NOC3L: variants seen among roughly 807,000 people sequenced by gnomAD.
NOC3L encodes nucleolar complex protein 3 homolog.
A neutral mutation model predicts 102.5 loss-of-function variants in NOC3L; 85 were observed. That is an observed-to-expected ratio of 0.83 (90% CI 0.70 to 0.99). The LOEUF (loss-of-function observed/expected upper bound fraction) is 0.99, where lower values mean the gene tolerates loss of function less well. NOC3L is among the 50% of genes least tolerant of loss of function. NOC3L has a pLI of 0.00. For synonymous variants in NOC3L, 303 were observed against 309.4 expected, an observed-to-expected ratio of 0.98 and a Z score of 0.22; for missense variants, 878 against 914.9, an observed-to-expected ratio of 0.96 and a Z score of 0.52.
At chr10:94,327,978 T>C in the NOC3L span, 1 of 532,670 alleles carries the variant, frequency 1.9e-6, no homozygotes, top group South Asian at 1.4e-5. Context: ...GTGAAGATCT[T>C]TAAGCAAGAA....
intron 8 of NOC3L, among the ~76,000 whole-genome samples, chr10:94,350,716 C>CA (rs201167962): frequency 0.062 from 3,881 of 62,098 alleles, 225 homozygotes; most frequent in African/African-American, 0.17. Flanking sequence ...GACATCGTCT[C>CA]AAAAAAAAAA....
intron 19 of NOC3L, among the ~76,000 whole-genome samples, chr10:94,337,025 C>T (rs1038376857): frequency 4.7e-5 from 7 of 149,584 alleles, no homozygotes; most frequent in South Asian, 2.1e-4. Flanking sequence ...GCCGAAATTG[C>T]GCCATTGCAC....
chr10:94,346,804 T>C (rs568222272), intron 10 of NOC3L, among the ~76,000 whole-genome samples: 10 of 152,248 alleles, frequency 6.6e-5, no homozygotes, highest in African/African-American at 2.4e-4. Context: ...AAAACTTTCT[T>C]TGCAGTTTAA....
At chr10:94,357,121 A>T in intron 4 of NOC3L, 53 bp downstream of exon 4, 1 of 1,283,692 alleles carries the variant, frequency 7.8e-7, no homozygotes, top group South Asian at 2.1e-5. Context: ...AAAAAACATG[A>T]TATCAGTAAG....
Position 94,346,466 on chromosome 10 carries a change from A to G in NOC3L, c.1348T>C (p.Phe450Leu). 2.0e-6 allele frequency: 3 copies of G among 1,516,890 alleles called. No individual in the cohort carries two copies. The highest frequency in any genetic ancestry group is 2.7e-6 in the Non-Finnish European group (3 of 1,129,532). 94.0% of individuals were successfully genotyped at this position (1,516,890 alleles called of 1,614,324 possible). A position where few individuals can be genotyped will look rare whatever the true frequency, so the allele number is the denominator to read the frequency against. Reference sequence around the variant, plus strand: ...GATAGAGATTTTCTCTTTTCTTTGAAAGTCATAAATTTTTTTGGTTTATTA... The same window carrying G: ...GATAGAGATTTTCTCTTTTCTTTGAGAGTCATAAATTTTTTTGGTTTATTA... Reference protein sequence around the residue: ...DINKPKKFMTFKEKRKSLSRM... With the variant: ...DINKPKKFMTLKEKRKSLSRM... Residue 450 changes from phenylalanine to leucine, a missense_variant, in exon 11 of 21, where the codon TTC (phenylalanine) becomes CTC (leucine). By Grantham distance (22) the Phe-to-Leu change is conservative. Coordinates refer to ENST00000371361, the MANE Select transcript of NOC3L (RefSeq NM_022451.11).
intron 6 of NOC3L, among the ~76,000 whole-genome samples, chr10:94,353,822 T>C (rs969300703): frequency 6.6e-6 from 1 of 152,214 alleles, no homozygotes; most frequent in Non-Finnish European, 1.5e-5. Context: ...ATTAACCAAA[T>C]ATATCAGTCA....
chr10:94,346,415 T>C lies in NOC3L; in HGVS notation c.1389+10A>G. 6.8e-7 allele frequency: 1 copy of C among 1,472,004 alleles called. No individual in the cohort carries two copies. Among genetic ancestry groups the C allele is most frequent in the Non-Finnish European group, 9.0e-7 (1 of 1,106,506 alleles). 91.2% of individuals were successfully genotyped at this position (1,472,004 alleles called of 1,614,324 possible). A position where few individuals can be genotyped will look rare whatever the true frequency, so the allele number is the denominator to read the frequency against. On this transcript the variant is annotated intron_variant, in intron 11 of 20. Transcript: ENST00000371361. ...AATTTAAATGAAACAAAAGGGGAAATAAGTCAAACCTTTCTCTGCATTCTT... is the reference window on the plus strand; with the variant it reads ...AATTTAAATGAAACAAAAGGGGAAACAAGTCAAACCTTTCTCTGCATTCTT...
At chr10:94,359,490 T>C (rs772032588) in intron 2 of NOC3L, among the ~76,000 whole-genome samples, 6 of 151,882 alleles carry the variant, frequency 4.0e-5, no homozygotes, top group African/African-American at 7.3e-5. Flanking sequence ...AATCTTGCTA[T>C]ATAAATGTAC....
At chr10:94,354,720 A>G (rs946016181) in intron 6 of NOC3L, among the ~76,000 whole-genome samples, 7 of 152,210 alleles carry the variant, frequency 4.6e-5, no homozygotes, top group Admixed American at 2.6e-4. Flanking sequence ...GTATTTTCAT[A>G]TATGAAGATG....
intron 16 of NOC3L, 66 bp downstream of exon 16, chr10:94,340,210 G>T: frequency 1.5e-6 from 2 of 1,316,200 alleles, no homozygotes; most frequent in Non-Finnish European, 2.1e-6. Context: ...TGTCTACAAT[G>T]ATGGGTCATA....
intron 19 of NOC3L, among the ~76,000 whole-genome samples, chr10:94,335,460 T>TGG (rs1399633205): frequency 6.6e-6 from 1 of 151,442 alleles, no homozygotes; most frequent in Non-Finnish European, 1.5e-5. Context: ...AAAAGGCTGG[T>TGG]GGGGTGAAGA....
chr10:94,341,421 T>C (rs1281124041), intron 14 of NOC3L, among the ~76,000 whole-genome samples: 9 of 150,600 alleles, frequency 6.0e-5, no homozygotes, highest in Middle Eastern at 3.4e-3. Context: ...ACATCTATTA[T>C]GCATCAATTT....
intron 20 of NOC3L, 61 bp downstream of exon 20, chr10:94,334,571 TAG>T: frequency 1.7e-6 from 2 of 1,186,960 alleles, no homozygotes; most frequent in African/African-American, 1.5e-5. Context: ...AAACTGGAGT[TAG>T]AGTTATTGAG....
intron 6 of NOC3L, among the ~76,000 whole-genome samples, chr10:94,354,644 A>G (rs942023337): frequency 1.3e-4 from 20 of 152,218 alleles, no homozygotes; most frequent in African/African-American, 4.8e-4. Flanking sequence ...GCAAATTTGC[A>G]AACAGGTTCC....
At chr10:94,317,850 G>A in the NOC3L span, among the ~76,000 whole-genome samples, 1 of 152,168 alleles carries the variant, frequency 6.6e-6, no homozygotes, top group Non-Finnish European at 1.5e-5. Flanking sequence ...AAGCAGTTGA[G>A]TCTATTCAAC....
chr10:94,352,990 C>A lies in NOC3L; in HGVS notation c.764G>T (p.Arg255Leu). 1 of 1,613,754 alleles carries A rather than the reference C, an allele frequency of 6.2e-7. No individual in the cohort carries two copies. The highest frequency in any genetic ancestry group is 8.5e-7 in the Non-Finnish European group (1 of 1,179,712). ...EQDPDVAVTV[R>L]KLVIVSLMEL... ...CATCAGAGAAACAATTACCAGCTTT[C>A]GAACAGTAACAGCCACATCAGGATC... is the stretch of plus-strand genomic sequence containing the variant. Residue 255 changes from arginine to leucine, a missense_variant, in exon 7 of 21, where the codon CGA (arginine) becomes CTA (leucine). Physicochemically the swap from Arg to Leu is moderately radical, Grantham distance 102 (BLOSUM62 -2). Coordinates refer to ENST00000371361, the MANE Select transcript of NOC3L (RefSeq NM_022451.11).
downstream of NOC3L, chr10:94,329,950 T>A (rs7096037): frequency 0.31 from 46,745 of 152,066 alleles, 7,508 homozygotes; most frequent in Middle Eastern, 0.47. Flanking sequence ...AAGTCAAATA[T>A]TCATTCTAAC....
intron 14 of NOC3L, among the ~76,000 whole-genome samples, chr10:94,340,797 C>A (rs940757200): frequency 6.6e-6 from 1 of 151,694 alleles, no homozygotes; most frequent in Non-Finnish European, 1.5e-5. Flanking sequence ...CTGGCTAACA[C>A]GGTGAAACCC....
At chr10:94,360,721 A>G (rs1419827444) in intron 2 of NOC3L, among the ~76,000 whole-genome samples, 3 of 152,210 alleles carry the variant, frequency 2.0e-5, no homozygotes, top group Non-Finnish European at 2.9e-5. Flanking sequence ...TTCGTAACAC[A>G]AAGATAAATG....
Sources: allele counts gnomAD v4.1 joint callset (sites outside exome capture counted in the v4.1 genomes callset), GRCh38; gene constraint gnomAD v4.1.1; transcripts MANE v1.5; gene names NCBI Gene and HGNC (gene_info 2026-07-23, HGNC 2026-07-21).